The following TRIM55 variants were observed in gnomAD, a reference collection of about 807,000 sequenced individuals.
The protein encoded by TRIM55 is tripartite motif containing 55.
TRIM55 carries 50 observed loss-of-function variants against 60.9 expected under a neutral mutation model. The observed-to-expected ratio is 0.82, with a 90% CI of 0.65 to 1.04. The LOEUF is 1.04. TRIM55 is among the 50% of genes least tolerant of loss of function. The pLI is 0.00. For missense variants in TRIM55, 681 were observed against 666.9 expected, an observed-to-expected ratio of 1.02 and a Z score of -0.23; for synonymous variants, 237 against 238.1, an observed-to-expected ratio of 1.00 and a Z score of 0.04.
chr8:66,155,998 C>T (rs144401919), intron 9 of TRIM55, among the ~76,000 whole-genome samples: 1 of 152,278 alleles, frequency 6.6e-6, no homozygotes, highest in Non-Finnish European at 1.5e-5. Flanking sequence ...AGGAGCAAAC[C>T]CTCCAGAATG....
chr8:66,171,747 G>T (rs1175602276), intron 9 of TRIM55, among the ~76,000 whole-genome samples: 1 of 152,178 alleles, frequency 6.6e-6, no homozygotes, highest in Non-Finnish European at 1.5e-5. Flanking sequence ...GTAGGAAAAA[G>T]ATCTGCTTTT....
intron 9 of TRIM55, among the ~76,000 whole-genome samples, chr8:66,169,144 T>C (rs1811479942): frequency 6.6e-6 from 1 of 152,134 alleles, no homozygotes. Flanking sequence ...AAAAAAATAA[T>C]GCCCCCCCAC....
rs1413837425 is a variant in TRIM55 at position 66,150,467 on chromosome 8, G to T, written c.985+1G>T. 6.2e-7 allele frequency: 1 copy of T among 1,613,952 alleles called. No individual in the cohort carries two copies. Among genetic ancestry groups the T allele is most frequent in the East Asian group, 2.2e-5 (1 of 44,868 alleles). On this transcript the variant is annotated splice_donor_variant, in intron 7 of 9. Transcript: ENST00000315962. LOFTEE classifies it high-confidence loss of function. Reference sequence around the variant, plus strand: ...ATACGTGAAATTGACTTTTACAGAGGTTTGTTATTCTTTTGACCATTTGGC... The same window carrying T: ...ATACGTGAAATTGACTTTTACAGAGTTTTGTTATTCTTTTGACCATTTGGC...
upstream of TRIM55, among the ~76,000 whole-genome samples, chr8:66,124,266 G>T (rs1039282750): frequency 6.6e-6 from 1 of 152,210 alleles, no homozygotes; most frequent in Admixed American, 6.5e-5. Context: ...ATCGCTGAAA[G>T]ATCAATCTAA....
In TRIM55 at chr8:66,130,565, G is replaced by T. The variant is rs535475459; in HGVS notation, c.341+2089G>T. On this transcript the variant is annotated intron_variant, in intron 2 of 9. Coordinates refer to ENST00000315962, the MANE Select transcript of TRIM55 (RefSeq NM_184085.2). ...GCTGTGGCTATTGGAAGGGGGTCGG[G>T]GGGGGTGACCAATCACAGACTGGGA... is the stretch of plus-strand genomic sequence containing the variant. Among the ~76,000 whole-genome samples the T allele has an allele frequency of 8.0e-4, 121 of 151,710 alleles. 3 individuals are homozygous for T. In the South Asian group the frequency reaches 0.02, roughly 25 times the overall value.
At chr8:66,140,175 G>T (rs902206855) in intron 4 of TRIM55, among the ~76,000 whole-genome samples, 1 of 152,152 alleles carries the variant, frequency 6.6e-6, no homozygotes, top group African/African-American at 2.4e-5. Flanking sequence ...ACTGCCTAAG[G>T]ATGCACTTCT....
In TRIM55 at chr8:66,152,381, TGAAGATGAAGAA is replaced by T. The variant is rs767097783; in HGVS notation, c.996_1007del (p.Asp332_Glu335del). On this transcript the variant is annotated inframe_deletion, in exon 8 of 10. Coordinates refer to ENST00000315962, the MANE Select transcript of TRIM55 (RefSeq NM_184085.2). The stretch of plus-strand genomic sequence containing the variant: ...CAAGATACCTTACCTTACCAGAAGA[TGAAGATGAAGAA>T]GAAGAAGAAGGCGGAGAAGGAGAAA... 3.2e-6 allele frequency: 5 copies of T among 1,581,752 alleles called. No individual in the cohort carries two copies. Among genetic ancestry groups the T allele is most frequent in the Non-Finnish European group, 4.3e-6 (5 of 1,164,574 alleles).
chr8:66,162,190 C>T (rs1811091046), intron 9 of TRIM55, among the ~76,000 whole-genome samples: 1 of 151,966 alleles, frequency 6.6e-6, no homozygotes, highest in Admixed American at 6.6e-5. Context: ...TAAGGTATGT[C>T]CCTTCTATGC....
intron 9 of TRIM55, among the ~76,000 whole-genome samples, chr8:66,156,868 A>G (rs73249982): frequency 0.024 from 3,728 of 152,220 alleles, 150 homozygotes; most frequent in African/African-American, 0.079. Flanking sequence ...TGTGCACCCT[A>G]GAGTGTCCTG....
intron 9 of TRIM55, among the ~76,000 whole-genome samples, chr8:66,159,203 T>C (rs1016027354): frequency 1.3e-5 from 2 of 152,206 alleles, no homozygotes; most frequent in Non-Finnish European, 2.9e-5. Context: ...CTTCCCCGCA[T>C]CCCTGCCTCT....
rs371406893 is a variant in TRIM55 at position 66,128,444 on chromosome 8, T to C, written c.309T>C (p.Asn103=). 4 of 1,613,508 alleles carry C rather than the reference T, an allele frequency of 2.5e-6. No individual in the cohort carries two copies. The highest frequency in any genetic ancestry group is 3.3e-4 in the Middle Eastern group (2 of 6,084). Reference sequence around the variant, plus strand: ...TTCAGAGGAACCTGCTGGTGGAAAATATCATTGACATCTACAAGCAGGAGT... The same window carrying C: ...TTCAGAGGAACCTGCTGGTGGAAAACATCATTGACATCTACAAGCAGGAGT... The part of the protein sequence containing the change: ...YGLQRNLLVE[N]IIDIYKQEST... The change falls in exon 2 of 10, where the codon AAT becomes AAC. Residue 103 remains asparagine, a synonymous_variant. Coordinates refer to ENST00000315962, the MANE Select transcript of TRIM55 (RefSeq NM_184085.2).
intron 9 of TRIM55, among the ~76,000 whole-genome samples, 153 bp from the exon 10 acceptor site, chr8:66,174,318 C>T (rs1201763370): frequency 1.3e-5 from 2 of 151,704 alleles, no homozygotes; most frequent in Non-Finnish European, 2.9e-5. Context: ...AGCTTGCTTT[C>T]TATTTCTAAT....
intron 8 of TRIM55, 75 bp from the exon 9 acceptor site, chr8:66,153,972 C>G: frequency 6.9e-7 from 1 of 1,458,362 alleles, no homozygotes; most frequent in Admixed American, 2.4e-5. Context: ...CCAAAGGGAA[C>G]TAAAATCAAC....
At chr8:66,135,314 T>C (rs11997989) in intron 3 of TRIM55, among the ~76,000 whole-genome samples, 159 bp downstream of exon 3, 3,789 of 152,274 alleles carry the variant, frequency 0.025, 140 homozygotes, top group African/African-American at 0.085. Flanking sequence ...CAGGAAGACA[T>C]GTGCACAGTT....
chr8:66,162,103 AG>A (rs926628857), intron 9 of TRIM55, among the ~76,000 whole-genome samples: 2 of 140,158 alleles, frequency 1.4e-5, no homozygotes, highest in African/African-American at 6.6e-5. Context: ...TCTTGTTCTC[AG>A]GGGGGATGCT....
intron 1 of TRIM55, among the ~76,000 whole-genome samples, chr8:66,127,748 T>C (rs1808895959): frequency 6.6e-6 from 1 of 151,898 alleles, no homozygotes; most frequent in Non-Finnish European, 1.5e-5. Flanking sequence ...GGCAGGAGAA[T>C]TGCTTGAACC....
At chr8:66,123,479 A>C (rs771637077), upstream of TRIM55, among the ~76,000 whole-genome samples, 183 of 152,226 alleles carry the variant, frequency 1.2e-3, no homozygotes, top group Non-Finnish European at 2.5e-3. Flanking sequence ...CTCCTGTGGG[A>C]TTCATGCTGT....
chr8:66,148,959 G>GA (rs1810254321), intron 4 of TRIM55, among the ~76,000 whole-genome samples: 1 of 152,134 alleles, frequency 6.6e-6, no homozygotes, highest in South Asian at 2.1e-4. Flanking sequence ...TGAGGCAGGA[G>GA]AATTGCCTGA....
Position 66,152,541 on chromosome 8 carries a change from C to T in TRIM55, c.1150C>T (p.Leu384=), listed in dbSNP as rs1810494028. Residue 384 remains leucine, a synonymous_variant, in exon 8 of 10, where the codon CTG becomes TTG. Coordinates refer to ENST00000315962, the MANE Select transcript of TRIM55 (RefSeq NM_184085.2). ...AGCTTCAGAGCTCTCTCAGGTGGAGCTGCAGGCTGCCCCTGGGGCACTTCC... is the reference window on the plus strand; with the variant it reads ...AGCTTCAGAGCTCTCTCAGGTGGAGTTGCAGGCTGCCCCTGGGGCACTTCC... ...EKASELSQVE[L]QAAPGALPVS... is the part of the protein sequence containing the mutation. The T allele has an allele frequency of 1.9e-6, 3 of 1,614,190 alleles. No individual in the cohort carries two copies. The East Asian group carries it at 6.7e-5, about 36-fold the overall frequency.
Sources: allele counts gnomAD v4.1 joint callset (sites outside exome capture counted in the v4.1 genomes callset), GRCh38; gene constraint gnomAD v4.1.1; transcripts MANE v1.5; gene names NCBI Gene and HGNC (gene_info 2026-07-23, HGNC 2026-07-21).